Variants in NXN observed in about 807,000 individuals in gnomAD.
NXN encodes the protein nucleoredoxin 1.
A neutral mutation model predicts 48.6 loss-of-function variants in NXN; 16 were observed. That is an observed-to-expected ratio of 0.33 (90% CI 0.22 to 0.50). The LOEUF is 0.50. NXN is among the 20% of genes least tolerant of loss of function. The pLI, the probability that NXN is intolerant of heterozygous loss-of-function variation, is 0.98. For missense variants in NXN, 492 were observed against 605.5 expected, an observed-to-expected ratio of 0.81 and a Z score of 1.97; for synonymous variants, 281 against 269.6, an observed-to-expected ratio of 1.04 and a Z score of -0.41.
chr17:903,572 G>A (rs117604679), intron 1 of NXN, among the ~76,000 whole-genome samples: 2,987 of 151,574 alleles, frequency 0.02, 50 homozygotes, highest in East Asian at 0.071. Context: ...TTGTAAAGAC[G>A]GTGTTTTGCC....
At chr17:840,417 G>C (rs1914089726) in intron 1 of NXN, among the ~76,000 whole-genome samples, 1 of 151,764 alleles carries the variant, frequency 6.6e-6, no homozygotes, top group African/African-American at 2.4e-5. Context: ...TCGGCTCATT[G>C]CAAGCTCCAC....
At chr17:804,150 C>T (rs542402896) in intron 6 of NXN, among the ~76,000 whole-genome samples, 7 of 152,318 alleles carry the variant, frequency 4.6e-5, no homozygotes, top group Admixed American at 1.3e-4. Context: ...CCTGAGGCGC[C>T]TGCTAGTGTT....
At chr17:819,652 G>T (rs942979648) in intron 4 of NXN, 107 bp from the exon 5 acceptor site, 2 of 771,140 alleles carry the variant, frequency 2.6e-6, no homozygotes, top group Non-Finnish European at 4.3e-6. Flanking sequence ...AGAAGCCGGG[G>T]TTTCTAACCA....
At chr17:810,267 C>T (rs1475521634) in intron 5 of NXN, among the ~76,000 whole-genome samples, 8 of 129,646 alleles carry the variant, frequency 6.2e-5, no homozygotes, top group African/African-American at 1.7e-4. Context: ...GTGGCGTGCA[C>T]GTTACGAGTC....
intron 1 of NXN, among the ~76,000 whole-genome samples, chr17:945,508 G>C (rs1383156179): frequency 6.6e-6 from 1 of 151,254 alleles, no homozygotes; most frequent in African/African-American, 2.4e-5. Flanking sequence ...GCGGGCGCCT[G>C]TAGTCCCACC....
In NXN at chr17:820,561, G is replaced by A. The variant is rs556205095; in HGVS notation, c.714-1016C>T. Among the ~76,000 whole-genome samples, 8 of 125,826 alleles carry A rather than the reference G, an allele frequency of 6.4e-5. No individual in the cohort carries two copies. The South Asian group carries it at 1.4e-3, about 22-fold the overall frequency. The allele number at this position is 125,826 out of a possible 152,430, so 82.5% of individuals were successfully genotyped here. A position where few individuals can be genotyped will look rare whatever the true frequency, so the allele number is the denominator to read the frequency against. On this transcript the variant is annotated intron_variant, in intron 4 of 7. Transcript: ENST00000336868. ...CAGGAGGCGGAGCTTGCAGTGAGCCGAGATCGTGCCACTGCACTCCAGCCC... is the reference window on the plus strand; with the variant it reads ...CAGGAGGCGGAGCTTGCAGTGAGCCAAGATCGTGCCACTGCACTCCAGCCC...
At chr17:820,606 T>C (rs1336678978) in intron 4 of NXN, among the ~76,000 whole-genome samples, 5 of 50,468 alleles carry the variant, frequency 9.9e-5, no homozygotes, top group African/African-American at 4.0e-4. Flanking sequence ...AGCGAGACTC[T>C]GTCTCAAAAA....
intron 1 of NXN, among the ~76,000 whole-genome samples, chr17:840,188 C>A (rs1914066773): frequency 6.6e-6 from 1 of 152,074 alleles, no homozygotes; most frequent in Non-Finnish European, 1.5e-5. Context: ...CCATTTAGCA[C>A]CCATGCCAGC....
rs145489366 is a variant in NXN at position 873,115 on chromosome 17, C to T, written c.361-47037G>A. Reference sequence around the variant, plus strand: ...TGCCTTCAGACTTGGCGGGAACTTACACCATCAGTTCTCCTGGGTCTCCAG... The same window carrying T: ...TGCCTTCAGACTTGGCGGGAACTTATACCATCAGTTCTCCTGGGTCTCCAG... On this transcript the variant is annotated intron_variant, in intron 1 of 7. Coordinates refer to ENST00000336868, the MANE Select transcript of NXN (RefSeq NM_022463.5). Among the ~76,000 whole-genome samples the T allele has an allele frequency of 7.9e-3, 1,205 of 152,328 alleles. 9 individuals are homozygous for T. The highest frequency in any genetic ancestry group is 0.013 in the Admixed American group (192 of 15,294).
intron 1 of NXN, among the ~76,000 whole-genome samples, chr17:933,102 C>T (rs192246882): frequency 7.2e-5 from 11 of 152,270 alleles, no homozygotes; most frequent in Non-Finnish European, 1.5e-4. Context: ...GCCACGAGGA[C>T]CGAGAAACGA....
At chr17:855,766 T>A (rs1377785605) in intron 1 of NXN, among the ~76,000 whole-genome samples, 1 of 152,216 alleles carries the variant, frequency 6.6e-6, no homozygotes, top group Non-Finnish European at 1.5e-5. Flanking sequence ...TCTGTGTACC[T>A]TGGCAGGAGG....
rs1204739308 is a variant in NXN, at chr17:849,549, C to T, written c.361-23471G>A. 3.3e-5 allele frequency among the ~76,000 whole-genome samples: 5 copies of T among 152,128 alleles called. No individual in the cohort carries two copies. Among genetic ancestry groups the T allele is most frequent in the African/African-American group, 1.2e-4 (5 of 41,504 alleles). On this transcript the variant is annotated intron_variant, in intron 1 of 7. Transcript: ENST00000336868. The surrounding 1 kb of genome is among the most constrained non-coding windows in gnomAD (Gnocchi z 4.2). Reference sequence around the variant, plus strand: ...AAAAAGATGGGAGCTTCCCAACCAGCGTGCTAGGAGCAGGCTCCAGGAGGG... The same window carrying T: ...AAAAAGATGGGAGCTTCCCAACCAGTGTGCTAGGAGCAGGCTCCAGGAGGG...
chr17:844,547 T>C (rs200011411), intron 1 of NXN, among the ~76,000 whole-genome samples: 103 of 152,216 alleles, frequency 6.8e-4, no homozygotes, highest in Non-Finnish European at 1.3e-3. Context: ...TACAAATATA[T>C]GGTAGGTTTC....
At position 852,387 on chromosome 17, in the gene NXN, G is replaced by A. The variant is rs1440688457; in HGVS notation, c.361-26309C>T. ...CCACAGGATCCCTGGGACCCCCCGT[G>A]CCCACAGCTGGCATCTTGCTCCCCA... On this transcript the variant is annotated intron_variant, in intron 1 of 7. Coordinates refer to ENST00000336868, the MANE Select transcript of NXN (RefSeq NM_022463.5). Among the ~76,000 whole-genome samples the A allele has an allele frequency of 3.3e-5, 5 of 152,260 alleles. No individual in the cohort carries two copies. The East Asian group carries it at 5.8e-4, about 18-fold the overall frequency.
intron 7 of NXN, among the ~76,000 whole-genome samples, chr17:802,126 A>G (rs1022125660): frequency 3.3e-5 from 5 of 151,780 alleles, no homozygotes; most frequent in African/African-American, 1.2e-4. Flanking sequence ...TAAGGGAGCT[A>G]CTTTTTTTTT....
chr17:953,361 G>A (rs1044126274), intron 1 of NXN, among the ~76,000 whole-genome samples: 3 of 152,136 alleles, frequency 2.0e-5, no homozygotes, highest in African/African-American at 7.2e-5. Flanking sequence ...GTTGCAGTGA[G>A]CTGAGATCGC....
At chr17:873,546 AT>A (rs1365443208) in intron 1 of NXN, among the ~76,000 whole-genome samples, 1 of 149,554 alleles carries the variant, frequency 6.7e-6, no homozygotes, top group Non-Finnish European at 1.5e-5. Context: ...CTGTACTTAT[AT>A]TTTGCTAGTC....
intron 1 of NXN, among the ~76,000 whole-genome samples, chr17:904,325 G>GA (rs1326462339): frequency 6.6e-6 from 1 of 152,138 alleles, no homozygotes; most frequent in African/African-American, 2.4e-5. Flanking sequence ...CGACAGACTG[G>GA]CCCCAGTTTT....
intron 1 of NXN, among the ~76,000 whole-genome samples, chr17:881,532 A>G (rs2144837222): frequency 6.6e-6 from 1 of 152,308 alleles, no homozygotes; most frequent in South Asian, 2.1e-4. Flanking sequence ...TGGTCAGTAC[A>G]ACCACTTTGA....
Sources: allele counts gnomAD v4.1 joint callset (sites outside exome capture counted in the v4.1 genomes callset), GRCh38; gene constraint gnomAD v4.1.1; non-coding constraint Gnocchi (gnomAD v3.1); transcripts MANE v1.5; gene names NCBI Gene and HGNC (gene_info 2026-07-23, HGNC 2026-07-21).